The following ABTB2 variants were observed in gnomAD, a reference collection of about 807,000 sequenced individuals.
ABTB2 encodes ankyrin repeat and BTB domain containing 2.
In ABTB2, 56 loss-of-function variants were observed where a neutral mutation model predicts 104.1. The observed-to-expected ratio is 0.54, with a 90% confidence interval of 0.43 to 0.67. The LOEUF (loss-of-function observed/expected upper bound fraction) is 0.67, where lower values mean the gene tolerates loss of function less well. ABTB2 is among the 30% of genes least tolerant of loss of function. ABTB2 has a pLI of 0.00. For missense variants in ABTB2, 1,279 were observed against 1,407.7 expected (o/e 0.91, Z 1.46); for synonymous variants, 606 against 608.2 (o/e 1.00, Z 0.05).
intron 1 of ABTB2, among the ~76,000 whole-genome samples, chr11:34,270,314 T>C (rs1267672334): frequency 1.3e-4 from 19 of 151,386 alleles, no homozygotes; most frequent in Admixed American, 1.1e-3. Context: ...AAACATCTAA[T>C]CTGTTCACCA....
rs115644428 is a variant in ABTB2, at chr11:34,184,443, G to A, written c.1245-11136C>T. On this transcript the variant is annotated intron_variant, in intron 3 of 16. Coordinates refer to ENST00000435224, the MANE Select transcript of ABTB2 (RefSeq NM_145804.3). ...TGGCTGTGGTTCTGCAGATGTTACC[G>A]TGTCTGAGCCTCAGTGGAGGGTACA... 7.4e-4 allele frequency among the ~76,000 whole-genome samples: 113 copies of A among 152,288 alleles called. 1 individual carries two copies. The highest frequency in any genetic ancestry group is 2.6e-3 in the African/African-American group (109 of 41,558).
At chr11:34,229,842 GT>G (rs1853745927) in intron 1 of ABTB2, among the ~76,000 whole-genome samples, 1 of 152,174 alleles carries the variant, frequency 6.6e-6, no homozygotes, top group Non-Finnish European at 1.5e-5. Context: ...CTACAGTGTT[GT>G]TTCATTTCAC....
intron 3 of ABTB2, among the ~76,000 whole-genome samples, chr11:34,176,497 C>G (rs899579691): frequency 2.0e-5 from 3 of 152,148 alleles, no homozygotes; most frequent in Non-Finnish European, 4.4e-5. Context: ...TTCACTGAAG[C>G]CAGGCCTGCT....
In ABTB2 at chr11:34,164,813, C is replaced by T; in HGVS notation, c.1861G>A (p.Glu621Lys). 1.3e-6 allele frequency: 2 copies of T among 1,587,536 alleles called. No homozygotes were observed. The highest frequency in any genetic ancestry group is 8.5e-7 in the Non-Finnish European group (1 of 1,171,838). Reference sequence around the variant, plus strand: ...CGGCTCAGCAACAAACTGACCAGCTCATAGTTCCCTGAAAGAGAAGGTGGG... The same window carrying T: ...CGGCTCAGCAACAAACTGACCAGCTTATAGTTCCCTGAAAGAGAAGGTGGG... ...LQLASAAGNY[E>K]LVSLLLSRGA... is the part of the protein sequence containing the mutation. The change falls in exon 9 of 17, where the codon GAG (glutamate) becomes AAG (lysine). Residue 621 changes from glutamate to lysine, a missense_variant. Transcript: ENST00000435224.
At chr11:34,178,274 C>T (rs1852981022) in intron 3 of ABTB2, among the ~76,000 whole-genome samples, 1 of 152,172 alleles carries the variant, frequency 6.6e-6, no homozygotes, top group African/African-American at 2.4e-5. Flanking sequence ...ACCCACCTCC[C>T]CAGCCTGGGA....
At chr11:34,343,031 G>A (rs550685058) in intron 1 of ABTB2, among the ~76,000 whole-genome samples, 52 of 152,010 alleles carry the variant, frequency 3.4e-4, no homozygotes, top group African/African-American at 1.2e-3. Context: ...GGGCAGTGGT[G>A]CGATCTTGGC....
intron 1 of ABTB2, among the ~76,000 whole-genome samples, chr11:34,297,781 AAAAT>A (rs1564926724): frequency 2.7e-5 from 2 of 73,200 alleles, no homozygotes; most frequent in Non-Finnish European, 2.2e-5. Context: ...AAAAAAAAAA[AAAAT>A]AAAAATAAAG....
chr11:34,272,580 A>G (rs1040882867), intron 1 of ABTB2, among the ~76,000 whole-genome samples: 1 of 151,572 alleles, frequency 6.6e-6, no homozygotes, highest in Admixed American at 6.6e-5. Flanking sequence ...GGTGGCGGGC[A>G]CCTGTAGTCC....
In ABTB2 at chr11:34,161,999, C is replaced by G. The variant is rs1026751973; in HGVS notation, c.2218+577G>C. 2.0e-5 allele frequency among the ~76,000 whole-genome samples: 3 copies of G among 152,184 alleles called. No homozygotes were observed. In the East Asian group the frequency reaches 5.8e-4, roughly 29 times the overall value. On this transcript the variant is annotated intron_variant, in intron 10 of 16. Coordinates refer to ENST00000435224, the MANE Select transcript of ABTB2 (RefSeq NM_145804.3). ...ATCCACCAAGTGCTCACGGTGGCCA[C>G]TACGCCTTGTACTTCAGGTGATGTC...
intron 1 of ABTB2, among the ~76,000 whole-genome samples, chr11:34,241,782 A>C (rs1333680044): frequency 6.6e-6 from 1 of 152,228 alleles, no homozygotes; most frequent in Non-Finnish European, 1.5e-5. Context: ...CTTTAGATAG[A>C]ATGTAAAATT....
At chr11:34,283,455 A>G (rs1854471473) in intron 1 of ABTB2, among the ~76,000 whole-genome samples, 2 of 152,160 alleles carry the variant, frequency 1.3e-5, no homozygotes, top group Admixed American at 1.3e-4. Context: ...ACCTCAAGTG[A>G]TCCGCCTACC....
At chr11:34,182,231 T>G (rs1431206076) in intron 3 of ABTB2, among the ~76,000 whole-genome samples, 1 of 152,178 alleles carries the variant, frequency 6.6e-6, no homozygotes, top group Non-Finnish European at 1.5e-5. Context: ...AAAACCAACA[T>G]TGTCCCGCTA....
rs572817810 is a variant in ABTB2 at position 34,154,145 on chromosome 11, C to T, written c.2880+120G>A. On this transcript the variant is annotated intron_variant, in intron 16 of 16. Coordinates refer to ENST00000435224, the MANE Select transcript of ABTB2 (RefSeq NM_145804.3). This position sits in a 1 kb window ranked among gnomAD's most constrained non-coding sequence, Gnocchi z 4.9. ...ACCCTCCCTCAGCCTCTACACTGCCCTCAGAAGCAGCCTGGTCACCTGCAT... is the reference window on the plus strand; with the variant it reads ...ACCCTCCCTCAGCCTCTACACTGCCTTCAGAAGCAGCCTGGTCACCTGCAT... 24 of 765,200 alleles carry T rather than the reference C, an allele frequency of 3.1e-5. No homozygotes were observed. The East Asian group carries it at 5.7e-4, about 18-fold the overall frequency. The allele number at this position is 765,200 out of a possible 1,614,324, so 47.4% of individuals were successfully genotyped here. A position where few individuals can be genotyped will look rare whatever the true frequency, so the allele number is the denominator to read the frequency against.
chr11:34,190,260 C>A (rs1853156150), intron 3 of ABTB2, among the ~76,000 whole-genome samples: 1 of 115,382 alleles, frequency 8.7e-6, no homozygotes, highest in Non-Finnish European at 1.7e-5. Context: ...CACCCCTGCC[C>A]CGCTGCCCCC....
chr11:34,292,523 A>G lies in ABTB2; in HGVS notation c.883+64178T>C, dbSNP rs926485867. ...CTTACCTTTGCCTACTGGTTTGTCC[A>G]TGTAACAAATACTTATGAAATACTT... On this transcript the variant is annotated intron_variant, in intron 1 of 16. Coordinates refer to ENST00000435224, the MANE Select transcript of ABTB2 (RefSeq NM_145804.3). Among the ~76,000 whole-genome samples, 14 of 152,194 alleles carry G rather than the reference A, an allele frequency of 9.2e-5. 1 individual carries two copies. Among genetic ancestry groups the G allele is most frequent in the Admixed American group, 2.6e-4 (4 of 15,288 alleles).
intron 8 of ABTB2, 72 bp from the exon 9 acceptor site, chr11:34,164,893 G>T: frequency 6.5e-7 from 1 of 1,534,144 alleles, no homozygotes. Context: ...CGAAAGGGAA[G>T]GGAGAGCAGG....
chr11:34,273,059 T>A (rs566254471), intron 1 of ABTB2, among the ~76,000 whole-genome samples: 1 of 152,294 alleles, frequency 6.6e-6, no homozygotes, highest in South Asian at 2.1e-4. Context: ...CGTCCTGACA[T>A]TTAGCAAACA....
At chr11:34,155,292 G>A (rs997059626) in intron 14 of ABTB2, among the ~76,000 whole-genome samples, 3 of 152,244 alleles carry the variant, frequency 2.0e-5, no homozygotes, top group African/African-American at 7.2e-5. Flanking sequence ...ATGTGGAGGT[G>A]AGTGCCCCAT....
intron 1 of ABTB2, among the ~76,000 whole-genome samples, chr11:34,273,733 C>T (rs78138847): frequency 0.12 from 17,491 of 152,094 alleles, 1,204 homozygotes; most frequent in Admixed American, 0.21. Context: ...TGCACTAGTA[C>T]TGGGGCAACG....
Sources: allele counts gnomAD v4.1 joint callset (sites outside exome capture counted in the v4.1 genomes callset), GRCh38; gene constraint gnomAD v4.1.1; non-coding constraint Gnocchi (gnomAD v3.1); transcripts MANE v1.5; gene names NCBI Gene and HGNC (gene_info 2026-07-23, HGNC 2026-07-21).